TOX3: variants seen among roughly 807,000 people sequenced by gnomAD.
TOX3 encodes CAG trinucleotide repeat-containing gene F9 protein.
A neutral mutation model predicts 64.3 loss-of-function variants in TOX3; 22 were observed. That is an observed-to-expected ratio of 0.34 (90% CI 0.24 to 0.49). The LOEUF is 0.49. Ranked by LOEUF, TOX3 falls within the 20% of genes least tolerant of loss-of-function variation. TOX3 has a pLI of 0.99. For missense variants in TOX3, 661 were observed against 714.4 expected (o/e 0.93, Z 0.85); for synonymous variants, 291 against 273.6 (o/e 1.06, Z -0.63).
chr16:52,451,851 C>T (rs1403131551), intron 3 of TOX3, among the ~76,000 whole-genome samples: 1 of 152,122 alleles, frequency 6.6e-6, no homozygotes, highest in Non-Finnish European at 1.5e-5. Flanking sequence ...TGACCTAGGG[C>T]AGAGTTTCTC....
intron 1 of TOX3, among the ~76,000 whole-genome samples, chr16:52,480,689 T>C (rs1431796220): frequency 6.6e-6 from 1 of 152,200 alleles, no homozygotes; most frequent in East Asian, 1.9e-4. Flanking sequence ...TAATTATGAG[T>C]TAGTGTGAAT....
At chr16:52,484,955 C>A (rs1467222036) in intron 1 of TOX3, among the ~76,000 whole-genome samples, 1 of 151,730 alleles carries the variant, frequency 6.6e-6, no homozygotes, top group Non-Finnish European at 1.5e-5. Flanking sequence ...ATGTTCATTG[C>A]AGCACTATTC....
chr16:52,440,246 G>A (rs1959923161), intron 6 of TOX3, among the ~76,000 whole-genome samples: 1 of 152,104 alleles, frequency 6.6e-6, no homozygotes, highest in Non-Finnish European at 1.5e-5. Flanking sequence ...CTTCAAGCCT[G>A]CCCCTGCCAT....
At chr16:52,546,510 AAGGT>A in intron 1 of TOX3, 123 bp downstream of exon 1, 4 of 824,712 alleles carry the variant, frequency 4.9e-6, no homozygotes, top group Non-Finnish European at 7.2e-6. Flanking sequence ...CGAAGGCTCA[AAGGT>A]AGAAGAGACA....
intron 2 of TOX3, among the ~76,000 whole-genome samples, chr16:52,467,175 G>C (rs928602735): frequency 1.3e-5 from 2 of 152,126 alleles, no homozygotes; most frequent in African/African-American, 4.8e-5. Flanking sequence ...GTCTGACACG[G>C]TGAATTATCA....
intron 1 of TOX3, among the ~76,000 whole-genome samples, chr16:52,518,395 T>C (rs1962511957): frequency 6.6e-6 from 1 of 152,294 alleles, no homozygotes; most frequent in Non-Finnish European, 1.5e-5. Context: ...CAAATACCCA[T>C]GGGAGAAATA....
chr16:52,469,285 C>T (rs539908270), intron 1 of TOX3, among the ~76,000 whole-genome samples: 1 of 152,202 alleles, frequency 6.6e-6, no homozygotes, highest in Non-Finnish European at 1.5e-5. Flanking sequence ...CAAATAAGAC[C>T]GTATCAGCAT....
At chr16:52,486,240 G>A (rs1453256766) in intron 1 of TOX3, among the ~76,000 whole-genome samples, 3 of 152,156 alleles carry the variant, frequency 2.0e-5, no homozygotes, top group African/African-American at 4.8e-5. Flanking sequence ...CCAAGACACG[G>A]ATCCCAAAAA....
chr16:52,468,380 C>A, intron 2 of TOX3, 129 bp downstream of exon 2: 1 of 685,182 alleles, frequency 1.5e-6, no homozygotes, highest in Non-Finnish European at 2.4e-6. Context: ...TCTCTTTTCT[C>A]CTCCAAAGTA....
At chr16:52,445,929 G>C in intron 5 of TOX3, 65 bp downstream of exon 5, 1 of 1,444,310 alleles carries the variant, frequency 6.9e-7, no homozygotes, top group Non-Finnish European at 9.6e-7. Flanking sequence ...CTTGGAAAAG[G>C]TGTGAGGAAT....
intron 1 of TOX3, among the ~76,000 whole-genome samples, chr16:52,496,628 C>T (rs1331744375): frequency 2.0e-5 from 3 of 152,178 alleles, no homozygotes; most frequent in African/African-American, 2.4e-5. Context: ...AAACAGATTT[C>T]GACATTGCCT....
chr16:52,520,382 C>T (rs757718618), intron 1 of TOX3, among the ~76,000 whole-genome samples: 9 of 152,158 alleles, frequency 5.9e-5, no homozygotes, highest in African/African-American at 9.7e-5. Flanking sequence ...TAGATGTAAC[C>T]ACTGCCAGCT....
chr16:52,480,025 GTGTTA>G (rs1331453223), intron 1 of TOX3, among the ~76,000 whole-genome samples: 2 of 152,156 alleles, frequency 1.3e-5, no homozygotes, highest in Admixed American at 1.3e-4. Context: ...GCTCTAAACT[GTGTTA>G]AAATGATCCC....
chr16:52,450,668 G>T, intron 3 of TOX3, 122 bp from the exon 4 acceptor site: 4 of 1,198,728 alleles, frequency 3.3e-6, no homozygotes, highest in Non-Finnish European at 4.7e-6. Context: ...CTGACCTATT[G>T]CAGGATGATG....
At chr16:52,541,079 C>T (rs1404419933) in intron 1 of TOX3, among the ~76,000 whole-genome samples, 4 of 152,168 alleles carry the variant, frequency 2.6e-5, no homozygotes, top group Admixed American at 2.0e-4. Context: ...AGACCCACAA[C>T]CTTAGCATTG....
intron 1 of TOX3, among the ~76,000 whole-genome samples, chr16:52,476,471 C>T (rs888291425): frequency 2.3e-4 from 35 of 151,788 alleles, no homozygotes; most frequent in African/African-American, 8.0e-4. Flanking sequence ...ATTAAGGGGG[C>T]TTTTTTGTTT....
At chr16:52,452,251 A>G (rs966504537) in intron 3 of TOX3, among the ~76,000 whole-genome samples, 13 of 152,300 alleles carry the variant, frequency 8.5e-5, no homozygotes, top group African/African-American at 2.9e-4. Context: ...TTTTCTACGT[A>G]CATGTGTATG....
chr16:52,542,726 T>A (rs552737003), intron 1 of TOX3, among the ~76,000 whole-genome samples: 1 of 152,322 alleles, frequency 6.6e-6, no homozygotes, highest in South Asian at 2.1e-4. Flanking sequence ...GGCTTCAATA[T>A]CTTACGTGAA....
intron 1 of TOX3, among the ~76,000 whole-genome samples, chr16:52,508,642 A>G (rs1470972568): frequency 6.6e-6 from 1 of 152,216 alleles, no homozygotes. Flanking sequence ...AAAATTTTAT[A>G]TAAAGAAAAA....
Sources: allele counts gnomAD v4.1 joint callset (sites outside exome capture counted in the v4.1 genomes callset), GRCh38; gene constraint gnomAD v4.1.1; transcripts MANE v1.5; gene names NCBI Gene and HGNC (gene_info 2026-07-23, HGNC 2026-07-21).